The following MYH11 variants were observed in gnomAD, a reference collection of about 807,000 sequenced individuals.
MYH11 encodes myosin-11.
MYH11 carries 80 observed loss-of-function variants against 246.6 expected under a neutral mutation model. The observed-to-expected ratio is 0.32, with a 90% CI of 0.27 to 0.39. The LOEUF (loss-of-function observed/expected upper bound fraction) is 0.39, where lower values mean the gene tolerates loss of function less well. Among genes scored for constraint, MYH11 ranks in the 10% least tolerant of loss-of-function variants. The pLI is 1.00. For synonymous variants in MYH11, 1,071 were observed against 1,015.5 expected (o/e 1.05, Z -1.04); for missense variants, 2,158 against 2,546.8 (o/e 0.85, Z 3.29).
At chr16:15,856,355 T>C (rs1205556562) in intron 1 of MYH11, among the ~76,000 whole-genome samples, 5 of 143,116 alleles carry the variant, frequency 3.5e-5, no homozygotes, top group South Asian at 2.3e-4. Context: ...ACAACAACAC[T>C]CCTTTCTGCT....
intron 35 of MYH11, 36 bp downstream of exon 35, chr16:15,719,549 C>G (rs376093154): frequency 6.2e-7 from 1 of 1,613,062 alleles, no homozygotes; most frequent in Non-Finnish European, 8.5e-7. Context: ...CCGTGACACC[C>G]GCATCTGAGG....
chr16:15,715,132 G>C, intron 39 of MYH11, 32 bp downstream of exon 39: 1 of 1,612,576 alleles, frequency 6.2e-7, no homozygotes, highest in Non-Finnish European at 8.5e-7. Flanking sequence ...TGGGGGCTGG[G>C]GGCTCGAGGG....
At chr16:15,725,593 A>G (rs2040714391) in intron 28 of MYH11, 2 of 406,324 alleles carry the variant, frequency 4.9e-6, no homozygotes, top group Non-Finnish European at 4.3e-6. Context: ...CATCTCTTCC[A>G]TTGACAAGGA....
At position 15,729,550 on chromosome 16, in the gene MYH11, A is replaced by T. The variant is rs1406543863; in HGVS notation, c.3652-2496T>A. The stretch of plus-strand genomic sequence containing the variant: ...CTGGGGCCTCACTCTTCCAACCATA[A>T]TTTTTTTTTTTTTTTTTTGAAACTG... On this transcript the variant is annotated intron_variant, in intron 27 of 40. Coordinates refer to ENST00000300036, the MANE Select transcript of MYH11 (RefSeq NM_002474.3). Among the ~76,000 whole-genome samples the T allele has an allele frequency of 3.6e-5, 5 of 137,012 alleles. No individual in the cohort carries two copies. The East Asian group carries it at 1.1e-3, about 29-fold the overall frequency. 89.9% of individuals were successfully genotyped at this position (137,012 alleles called of 152,430 possible). A position where few individuals can be genotyped will look rare whatever the true frequency, so the allele number is the denominator to read the frequency against.
At chr16:15,819,423 C>T (rs1413104684) in intron 3 of MYH11, among the ~76,000 whole-genome samples, 1 of 152,152 alleles carries the variant, frequency 6.6e-6, no homozygotes, top group Non-Finnish European at 1.5e-5. Context: ...TATTTACAGC[C>T]ACTCCCTATC....
chr16:15,801,241 G>A (rs185383532), intron 3 of MYH11, among the ~76,000 whole-genome samples: 3 of 152,178 alleles, frequency 2.0e-5, no homozygotes, highest in African/African-American at 4.8e-5. Flanking sequence ...AAATAAAATA[G>A]GCAGCCATTG....
At chr16:15,714,853 C>A in intron 40 of MYH11, 56 bp downstream of exon 40, 1 of 1,606,490 alleles carries the variant, frequency 6.2e-7, no homozygotes, top group Non-Finnish European at 8.5e-7. Flanking sequence ...GCCCGAGCCC[C>A]CAGTGCTTTT....
intron 6 of MYH11, among the ~76,000 whole-genome samples, chr16:15,780,298 C>A (rs1478319263): frequency 2.0e-5 from 3 of 151,800 alleles, no homozygotes; most frequent in Admixed American, 2.0e-4. Context: ...TGTTAGTGAA[C>A]AGTGGGGCCA....
chr16:15,744,876 G>A (rs1456790961), intron 20 of MYH11, among the ~76,000 whole-genome samples: 1 of 152,212 alleles, frequency 6.6e-6, no homozygotes. Context: ...AGTGGGTGTG[G>A]CTATAAATGG....
At chr16:15,753,712 G>A (rs1172149760) in intron 14 of MYH11, among the ~76,000 whole-genome samples, 7 of 152,132 alleles carry the variant, frequency 4.6e-5, no homozygotes, top group African/African-American at 1.7e-4. Context: ...TAGGACATCA[G>A]CCAGTGATAG....
chr16:15,761,542 A>C (rs1163326083), intron 10 of MYH11, among the ~76,000 whole-genome samples: 2 of 152,096 alleles, frequency 1.3e-5, no homozygotes, highest in Non-Finnish European at 2.9e-5. Context: ...GCAATAGCAA[A>C]ATGCTAGAGT....
chr16:15,704,155 A>G, intron 40 of MYH11, 32 bp from the exon 41 acceptor site: 1 of 1,613,004 alleles, frequency 6.2e-7, no homozygotes. Context: ...ATTATTTAGC[A>G]AAGAAATCTT....
At chr16:15,708,707 A>G (rs2039602861) in intron 40 of MYH11, 1 of 1,309,916 alleles carries the variant, frequency 7.6e-7, no homozygotes, top group African/African-American at 1.5e-5. Flanking sequence ...GGAAATGTGC[A>G]AGGGTTTAAA....
At chr16:15,798,243 G>A (rs982930682) in intron 4 of MYH11, among the ~76,000 whole-genome samples, 3 of 152,192 alleles carry the variant, frequency 2.0e-5, no homozygotes, top group African/African-American at 7.2e-5. Flanking sequence ...TGGCACTGAT[G>A]TGTTTGTGGC....
Position 15,849,961 on chromosome 16 carries a change from C to T in MYH11, c.-18+6980G>A, listed in dbSNP as rs892817447. Among the ~76,000 whole-genome samples, 3 of 152,122 alleles carry T rather than the reference C, an allele frequency of 2.0e-5. No homozygotes were observed. The South Asian group carries it at 6.2e-4, about 31-fold the overall frequency. ...CATTTTATGGGACCCGTCTGTGACTCCCAGTCAAAGGGCTGAAACTGGACC... is the reference window on the plus strand; with the variant it reads ...CATTTTATGGGACCCGTCTGTGACTTCCAGTCAAAGGGCTGAAACTGGACC... On this transcript the variant is annotated intron_variant, in intron 1 of 40. Coordinates refer to ENST00000300036, the MANE Select transcript of MYH11 (RefSeq NM_002474.3).
chr16:15,829,459 G>A (rs2043668820), intron 2 of MYH11, among the ~76,000 whole-genome samples: 2 of 152,288 alleles, frequency 1.3e-5, no homozygotes, highest in African/African-American at 2.4e-5. Flanking sequence ...TCACGGCAGG[G>A]TCGTGGGGCT....
chr16:15,710,968 G>C (rs1367403128), intron 40 of MYH11: 1 of 152,350 alleles, frequency 6.6e-6, no homozygotes, highest in African/African-American at 2.4e-5. Flanking sequence ...GTGAGCCACC[G>C]CGCTTTGCCC....
intron 1 of MYH11, among the ~76,000 whole-genome samples, chr16:15,839,361 A>G (rs2043990379): frequency 6.6e-6 from 1 of 152,192 alleles, no homozygotes; most frequent in Admixed American, 6.5e-5. Flanking sequence ...ACGAAAAACT[A>G]TTAGGCTGGT....
intron 4 of MYH11, 39 bp downstream of exon 4, chr16:15,798,621 A>AC: frequency 7.6e-7 from 1 of 1,317,600 alleles, no homozygotes; most frequent in Non-Finnish European, 1.0e-6. Flanking sequence ...AAAAAAAAAA[A>AC]AACAAAAAAA....
Sources: gnomAD v4.1 joint callset for allele counts (sites outside exome capture counted in the v4.1 genomes callset) on GRCh38, gnomAD v4.1.1 for gene constraint, MANE v1.5 for transcripts, NCBI Gene and HGNC (gene_info 2026-07-23, HGNC 2026-07-21) for gene names.